TGFBR3: variants seen among roughly 807,000 people sequenced by gnomAD.
TGFBR3 encodes transforming growth factor beta receptor 3, also known as transforming growth factor beta receptor type 3.
Under a neutral mutation model 87.9 loss-of-function variants are expected in TGFBR3, and 46 were observed. That is an observed-to-expected ratio of 0.52 (90% CI 0.41 to 0.67). The LOEUF is 0.67. Among genes scored for constraint, TGFBR3 ranks in the 30% least tolerant of loss-of-function variants. The pLI is 0.00. For missense variants in TGFBR3, 866 were observed against 1,041.9 expected (o/e 0.83, Z 2.32); for synonymous variants, 381 against 391.6 (o/e 0.97, Z 0.32).
intron 3 of TGFBR3, among the ~76,000 whole-genome samples, chr1:91,794,353 G>A (rs926478339): frequency 9.2e-5 from 14 of 152,008 alleles, no homozygotes; most frequent in East Asian, 3.9e-4. Context: ...ACAGGCACCC[G>A]CCACCATGCC....
intron 3 of TGFBR3, among the ~76,000 whole-genome samples, chr1:91,789,065 A>C (rs543856294): frequency 6.6e-6 from 1 of 152,340 alleles, no homozygotes; most frequent in Admixed American, 6.5e-5. Context: ...TGGGAAGCCG[A>C]GGCTGACGGA....
intron 15 of TGFBR3, 124 bp downstream of exon 15, chr1:91,697,965 G>A (rs1671487123): frequency 2.3e-6 from 2 of 878,934 alleles, no homozygotes; most frequent in Non-Finnish European, 3.9e-6. Context: ...AGGGGAAGGG[G>A]GAAGGGGGAA....
intron 13 of TGFBR3, among the ~76,000 whole-genome samples, chr1:91,711,323 G>T (rs760156131): frequency 6.6e-6 from 1 of 152,184 alleles, no homozygotes; most frequent in Non-Finnish European, 1.5e-5. Flanking sequence ...ATGCCCAGGG[G>T]ACTATAATGA....
At chr1:91,742,641 G>C (rs1673194825) in intron 4 of TGFBR3, among the ~76,000 whole-genome samples, 1 of 152,174 alleles carries the variant, frequency 6.6e-6, no homozygotes. Flanking sequence ...AACATTCCCT[G>C]ACATGACAAA....
rs751741728 is a variant in TGFBR3, at chr1:91,727,705, T to G, written c.839A>C (p.Asn280Thr). 9.0e-5 allele frequency: 145 copies of G among 1,614,010 alleles called. No individual in the cohort carries two copies. Among genetic ancestry groups the G allele is most frequent in the Non-Finnish European group, 1.1e-4 (135 of 1,180,004 alleles). ...ILILKCKKSV[N>T]WVIKSFDVKG... is the part of the protein sequence containing the mutation. The stretch of plus-strand genomic sequence containing the variant: ...AACATCAAAAGATTTGATCACCCAG[T>G]TGACAGACTTTTTGCACTTCAAGAT... The change falls in exon 7 of 17, where the codon AAC becomes ACC. Residue 280 changes from asparagine (N) to threonine (T), a missense_variant. Asn to Thr is a moderately conservative substitution (Grantham distance 65). Coordinates refer to ENST00000212355, the MANE Select transcript of TGFBR3 (RefSeq NM_003243.5).
intron 1 of TGFBR3, among the ~76,000 whole-genome samples, chr1:91,867,623 G>A (rs924171291): frequency 1.3e-5 from 2 of 152,158 alleles, no homozygotes; most frequent in Admixed American, 6.5e-5. Flanking sequence ...AACTAGGATG[G>A]CTTTTTCACC....
At chr1:91,880,317 A>C (rs1326040637) in intron 1 of TGFBR3, among the ~76,000 whole-genome samples, 1 of 152,216 alleles carries the variant, frequency 6.6e-6, no homozygotes, top group African/African-American at 2.4e-5. Flanking sequence ...GTTTAAAAAT[A>C]TGGCCGGGCG....
At chr1:91,849,988 A>C (rs1195556886) in intron 2 of TGFBR3, among the ~76,000 whole-genome samples, 1 of 146,946 alleles carries the variant, frequency 6.8e-6, no homozygotes, top group African/African-American at 2.5e-5. Context: ...AGGCTGAGGC[A>C]GGAGAATGCA....
Position 91,719,332 on chromosome 1 carries a change from C to G in TGFBR3, c.1546G>C (p.Gly516Arg). The change falls in exon 10 of 17, where the codon GGT becomes CGT. Residue 516 changes from glycine to arginine, a missense_variant. By Grantham distance (125) the Gly-to-Arg change is moderately radical. Transcript: ENST00000212355. Reference sequence around the variant, plus strand: ...CTCACGGAGTTATAGTAGACCACACCATCAAGGGCTGACCACCGGGGCCGA... The same window carrying G: ...CTCACGGAGTTATAGTAGACCACACGATCAAGGGCTGACCACCGGGGCCGA... ...GTRPRWSALDGVVYYNSIVIQ... is the reference protein window; with the variant it reads ...GTRPRWSALDRVVYYNSIVIQ... 6.2e-7 allele frequency: 1 copy of G among 1,614,048 alleles called. No homozygotes were observed. The highest frequency in any genetic ancestry group is 8.5e-7 in the Non-Finnish European group (1 of 1,180,006).
intron 4 of TGFBR3, among the ~76,000 whole-genome samples, chr1:91,747,436 C>T (rs1461983784): frequency 2.0e-5 from 3 of 152,226 alleles, no homozygotes; most frequent in African/African-American, 4.8e-5. Context: ...TCTGTCCCCT[C>T]TTCCCCAGCA....
chr1:91,716,147 A>C, intron 12 of TGFBR3, 89 bp downstream of exon 12: 1 of 1,504,012 alleles, frequency 6.6e-7, no homozygotes, highest in Non-Finnish European at 9.2e-7. Flanking sequence ...TAGGACAGGA[A>C]GAGGTCTGTA....
At chr1:91,851,659 C>T (rs1677741955) in intron 2 of TGFBR3, among the ~76,000 whole-genome samples, 1 of 152,106 alleles carries the variant, frequency 6.6e-6, no homozygotes, top group Non-Finnish European at 1.5e-5. Context: ...AAGCTTTTAG[C>T]AATTAAAGAG....
chr1:91,891,191 T>G (rs1439994895), intron 2 of TGFBR3, among the ~76,000 whole-genome samples: 1 of 150,406 alleles, frequency 6.6e-6, no homozygotes, highest in African/African-American at 2.5e-5. Flanking sequence ...GCCTGGTCTC[T>G]CTTTTTTTTT....
intron 7 of TGFBR3, among the ~76,000 whole-genome samples, chr1:91,725,730 T>C (rs979640547): frequency 6.6e-6 from 1 of 152,222 alleles, no homozygotes; most frequent in African/African-American, 2.4e-5. Context: ...TCAGTCAGAC[T>C]GCACAACATC....
At chr1:91,691,410 C>G (rs377115637) in intron 16 of TGFBR3, among the ~76,000 whole-genome samples, 8 of 152,290 alleles carry the variant, frequency 5.3e-5, no homozygotes, top group Admixed American at 3.9e-4. Flanking sequence ...GATCAGGAAT[C>G]TGCACAGCTC....
intron 8 of TGFBR3, 123 bp downstream of exon 8, chr1:91,721,832 T>G (rs371915944): frequency 2.1e-4 from 187 of 878,116 alleles, no homozygotes; most frequent in Middle Eastern, 3.0e-4. Flanking sequence ...TGATAAAAAG[T>G]AGTCAAATTA....
chr1:91,894,208 G>A (rs1679507015), intron 2 of TGFBR3, among the ~76,000 whole-genome samples: 1 of 152,112 alleles, frequency 6.6e-6, no homozygotes, highest in African/African-American at 2.4e-5. Flanking sequence ...TACCCTGGAT[G>A]AACTGGCCTT....
At chr1:91,685,271 T>C (rs1671051140) in intron 16 of TGFBR3, among the ~76,000 whole-genome samples, 1 of 151,534 alleles carries the variant, frequency 6.6e-6, no homozygotes, top group Non-Finnish European at 1.5e-5. Context: ...GCGGGATGGA[T>C]AGGGGACTGG....
intron 10 of TGFBR3, among the ~76,000 whole-genome samples, chr1:91,717,269 G>A (rs192003726): frequency 6.6e-6 from 1 of 152,238 alleles, no homozygotes; most frequent in East Asian, 1.9e-4. Flanking sequence ...AGCAGCGAAG[G>A]ACCTAATGTT....
Sources: gnomAD v4.1 joint callset for allele counts (sites outside exome capture counted in the v4.1 genomes callset) on GRCh38, gnomAD v4.1.1 for gene constraint, MANE v1.5 for transcripts, NCBI Gene and HGNC (gene_info 2026-07-23, HGNC 2026-07-21) for gene names.